AIMP1: variants seen among roughly 807,000 people sequenced by gnomAD.
AIMP1 encodes aminoacyl tRNA synthetase complex interacting multifunctional protein 1, also known as aminoacyl tRNA synthase complex-interacting multifunctional protein 1.
A neutral mutation model predicts 33.1 loss-of-function variants in AIMP1; 24 were observed. The observed-to-expected ratio is 0.73, with a 90% CI of 0.53 to 1.02. The LOEUF (loss-of-function observed/expected upper bound fraction) is 1.02, where lower values mean the gene tolerates loss of function less well. AIMP1 is among the 50% of genes least tolerant of loss of function. The pLI is 0.00. For synonymous variants in AIMP1, 120 were observed against 121.5 expected (o/e 0.99, Z 0.08); for missense variants, 367 against 364.8 (o/e 1.01, Z -0.05).
At chr4:106,347,207 C>G (rs1371807056) in intron 6 of AIMP1, among the ~76,000 whole-genome samples, 1 of 152,048 alleles carries the variant, frequency 6.6e-6, no homozygotes, top group African/African-American at 2.4e-5. Context: ...GACACAGACT[C>G]AAACTATATC....
At chr4:106,333,387 G>A (rs913125622) in intron 5 of AIMP1, among the ~76,000 whole-genome samples, 5 of 152,246 alleles carry the variant, frequency 3.3e-5, no homozygotes, top group East Asian at 1.9e-4. Context: ...TAATTTCAGC[G>A]TTGCTGGAAC....
chr4:106,330,324 C>T (rs191531431), intron 4 of AIMP1, among the ~76,000 whole-genome samples: 8 of 152,184 alleles, frequency 5.3e-5, no homozygotes, highest in African/African-American at 1.9e-4. Flanking sequence ...TACTTTATCA[C>T]ACAAAAATAT....
Position 106,347,535 on chromosome 4 carries a change from A to G in AIMP1, c.782A>G (p.Asp261Gly). 1 of 1,613,050 alleles carries G rather than the reference A, an allele frequency of 6.2e-7. No individual in the cohort carries two copies. The highest frequency in any genetic ancestry group is 8.5e-7 in the Non-Finnish European group (1 of 1,179,420). The change falls in exon 7 of 7, where the codon GAC (aspartate) becomes GGC (glycine). Residue 261 changes from aspartate to glycine, a missense_variant. Transcript: ENST00000672341. ...ITFDAFPGEP[D>G]KELNPKKKIW... ...TTTTTCTCCTACACAGGAGAGCCTG[A>G]CAAGGAGCTGAATCCTAAGAAGAAG... is the stretch of plus-strand genomic sequence containing the variant.
intron 6 of AIMP1, among the ~76,000 whole-genome samples, chr4:106,342,829 G>T (rs1462632006): frequency 1.3e-5 from 2 of 151,856 alleles, no homozygotes; most frequent in Non-Finnish European, 2.9e-5. Flanking sequence ...CAGTTTTTTG[G>T]AATAGTCTCA....
At chr4:106,324,139 A>G (rs1647052005) in intron 1 of AIMP1, among the ~76,000 whole-genome samples, 1 of 152,036 alleles carries the variant, frequency 6.6e-6, no homozygotes, top group Non-Finnish European at 1.5e-5. Context: ...TTTCACCATT[A>G]ATATTGAGTA....
intron 6 of AIMP1, among the ~76,000 whole-genome samples, chr4:106,338,114 C>A (rs565258441): frequency 3.9e-5 from 6 of 152,132 alleles, no homozygotes; most frequent in Non-Finnish European, 8.8e-5. Flanking sequence ...TGTATTCATT[C>A]ACAAAGACAT....
At chr4:106,316,396 G>A (rs1561016774), upstream of AIMP1, 3 of 717,346 alleles carry the variant, frequency 4.2e-6, no homozygotes, top group Non-Finnish European at 7.2e-6. Flanking sequence ...GGGAATGGAA[G>A]ACGAGGAGCG....
intron 1 of AIMP1, among the ~76,000 whole-genome samples, chr4:106,323,094 A>G (rs1373112165): frequency 6.6e-6 from 1 of 152,098 alleles, no homozygotes; most frequent in Non-Finnish European, 1.5e-5. Context: ...ATTTTGAAAC[A>G]TGACATTCTC....
chr4:106,337,951 A>G (rs1435694571), intron 6 of AIMP1, among the ~76,000 whole-genome samples: 2 of 152,202 alleles, frequency 1.3e-5, no homozygotes, highest in African/African-American at 4.8e-5. Flanking sequence ...GACTTTTGCT[A>G]TACTTTAGCA....
chr4:106,326,873 C>T (rs1769471636), intron 2 of AIMP1, among the ~76,000 whole-genome samples: 1 of 152,052 alleles, frequency 6.6e-6, no homozygotes, highest in Non-Finnish European at 1.5e-5. Context: ...AATCTCCAAG[C>T]CTCGATCAGT....
chr4:106,316,883 T>C (rs1768940915), intron 1 of AIMP1: 1 of 390,322 alleles, frequency 2.6e-6, no homozygotes, highest in African/African-American at 2.0e-5. Context: ...TCAAAGGACT[T>C]AGGTGCTTTG....
chr4:106,332,259 C>T (rs897664539), intron 5 of AIMP1, among the ~76,000 whole-genome samples: 12 of 151,822 alleles, frequency 7.9e-5, no homozygotes, highest in African/African-American at 2.7e-4. Context: ...TAAAGGAATA[C>T]TATTAAAAAT....
chr4:106,332,898 A>G (rs1396322422), intron 5 of AIMP1, among the ~76,000 whole-genome samples: 3 of 152,136 alleles, frequency 2.0e-5, no homozygotes, highest in African/African-American at 4.8e-5. Context: ...AAAGAATGCA[A>G]TCCCAAAAAG....
rs1011946524 is a variant in AIMP1 at position 106,330,205 on chromosome 4, G to A, written c.392-1467G>A. On this transcript the variant is annotated intron_variant, in intron 4 of 6. Transcript: ENST00000672341. ...ATATTTGCAATCATTTCTAGAATGG[G>A]GATTCCTGATAAAAGTATTTCAAAT... Among the ~76,000 whole-genome samples, 15 of 152,016 alleles carry A rather than the reference G, an allele frequency of 9.9e-5. No homozygotes were observed. In the East Asian group the frequency reaches 2.9e-3, roughly 29 times the overall value.
At chr4:106,319,770 C>A (rs558033991) in intron 1 of AIMP1, among the ~76,000 whole-genome samples, 1 of 152,088 alleles carries the variant, frequency 6.6e-6, no homozygotes, top group Non-Finnish European at 1.5e-5. Context: ...ACTAGCATTT[C>A]CTAAACTGTT....
At chr4:106,316,531 CGGGT>C, upstream of AIMP1, 1 of 1,551,498 alleles carries the variant, frequency 6.4e-7, no homozygotes, top group Non-Finnish European at 8.7e-7. Flanking sequence ...CTATAGTACG[CGGGT>C]GGCTGGACCT....
At chr4:106,333,062 A>G (rs964595337) in intron 5 of AIMP1, among the ~76,000 whole-genome samples, 1 of 149,994 alleles carries the variant, frequency 6.7e-6, no homozygotes, top group African/African-American at 2.5e-5. Context: ...ATTGGTTAAC[A>G]CTTAGTAATG....
At chr4:106,330,981 A>C (rs1326845361) in intron 4 of AIMP1, among the ~76,000 whole-genome samples, 1 of 152,192 alleles carries the variant, frequency 6.6e-6, no homozygotes, top group African/African-American at 2.4e-5. Context: ...TAATTATTAA[A>C]ACATAATCAG....
intron 5 of AIMP1, among the ~76,000 whole-genome samples, chr4:106,335,005 G>T (rs1426403731): frequency 6.6e-6 from 1 of 152,158 alleles, no homozygotes; most frequent in Admixed American, 6.5e-5. Flanking sequence ...TTTTTTCTGA[G>T]TAAGATGAAA....
Sources: allele counts gnomAD v4.1 joint callset (sites outside exome capture counted in the v4.1 genomes callset), GRCh38; gene constraint gnomAD v4.1.1; transcripts MANE v1.5; gene names NCBI Gene and HGNC (gene_info 2026-07-23, HGNC 2026-07-21).